WWC2: variants seen among roughly 807,000 people sequenced by gnomAD.
The protein encoded by WWC2 is WW and C2 domain containing 2.
WWC2 carries 101 observed loss-of-function variants against 138.5 expected under a neutral mutation model. The ratio of observed to expected loss-of-function variants is 0.73; its 90% CI spans 0.62 to 0.86. The LOEUF is 0.86. WWC2 is among the 40% of genes least tolerant of loss of function. WWC2 has a pLI of 0.00. For synonymous variants in WWC2, 558 were observed against 538.4 expected (o/e 1.04, Z -0.50); for missense variants, 1,420 against 1,419.4 (o/e 1.00, Z -0.01).
intron 17 of WWC2, 191 bp downstream of exon 17, chr4:183,281,088 A>G: frequency 2.9e-6 from 2 of 681,642 alleles, no homozygotes; most frequent in South Asian, 3.3e-5. Flanking sequence ...ATTATGGGCA[A>G]AGTTAAAACA....
intron 1 of WWC2, among the ~76,000 whole-genome samples, chr4:183,131,941 AC>A (rs1332977121): frequency 2.0e-5 from 3 of 152,172 alleles, no homozygotes; most frequent in Non-Finnish European, 2.9e-5. Context: ...GCCTTTTCAC[AC>A]TGAGCAGCTA....
At chr4:183,210,166 A>T (rs1263528525) in intron 4 of WWC2, among the ~76,000 whole-genome samples, 1 of 152,194 alleles carries the variant, frequency 6.6e-6, no homozygotes, top group Non-Finnish European at 1.5e-5. Context: ...TTATGCCTTA[A>T]TGTACATATC....
chr4:183,265,183 G>T (rs1393205693), intron 12 of WWC2, 76 bp downstream of exon 12: 1 of 1,506,000 alleles, frequency 6.6e-7, no homozygotes. Context: ...GCTGTAAATG[G>T]ACTGCTACCA....
intron 4 of WWC2, among the ~76,000 whole-genome samples, chr4:183,209,372 C>T (rs754237409): frequency 1.3e-4 from 20 of 152,058 alleles, no homozygotes; most frequent in Non-Finnish European, 2.2e-4. Context: ...GGATTACAGG[C>T]GCGTGCCACT....
At chr4:183,164,378 T>TATATATATTATATATAC (rs1734067128) in intron 1 of WWC2, among the ~76,000 whole-genome samples, 1 of 636 alleles carries the variant, frequency 1.6e-3, no homozygotes, top group African/African-American at 5.1e-3. Flanking sequence ...TATATATACA[T>TATATATATTATATATAC]ATATATATTA....
At chr4:183,274,103 T>C (rs369108622) in intron 16 of WWC2, among the ~76,000 whole-genome samples, 68 of 152,374 alleles carry the variant, frequency 4.5e-4, no homozygotes, top group African/African-American at 1.4e-3. Context: ...AAGCTAGTAC[T>C]GCACTGCTTT....
intron 15 of WWC2, among the ~76,000 whole-genome samples, chr4:183,270,308 A>G (rs181946922): frequency 6.6e-6 from 1 of 152,182 alleles, no homozygotes; most frequent in Non-Finnish European, 1.5e-5. Flanking sequence ...GGAATATGGA[A>G]AGCCTTTATC....
intron 1 of WWC2, among the ~76,000 whole-genome samples, chr4:183,174,008 G>A (rs1038774916): frequency 1.3e-5 from 2 of 152,030 alleles, no homozygotes; most frequent in African/African-American, 2.4e-5. Context: ...CTTTTCTCTT[G>A]GTCTGGTCAG....
chr4:183,113,133 C>T (rs540817399), intron 1 of WWC2, among the ~76,000 whole-genome samples: 18 of 151,782 alleles, frequency 1.2e-4, no homozygotes, highest in African/African-American at 4.1e-4. Flanking sequence ...ATTAGCCAGG[C>T]GTGGGGTGCA....
Position 183,275,228 on chromosome 4 carries a change from T to C in WWC2, c.2562+3987T>C, listed in dbSNP as rs1580137191. Among the ~76,000 whole-genome samples, 4 of 152,088 alleles carry C rather than the reference T, an allele frequency of 2.6e-5. No individual in the cohort carries two copies. The South Asian group carries it at 8.3e-4, about 31-fold the overall frequency. On this transcript the variant is annotated intron_variant, in intron 16 of 22. Coordinates refer to ENST00000403733, the MANE Select transcript of WWC2 (RefSeq NM_024949.6). ...GTTTTTTTAGTGGATTCCATTAGAT[T>C]TTCTATAAGATCATATTGTTTGCAA...
chr4:183,174,519 G>A (rs1734400406), intron 1 of WWC2, among the ~76,000 whole-genome samples: 1 of 152,094 alleles, frequency 6.6e-6, no homozygotes, highest in African/African-American at 2.4e-5. Flanking sequence ...CCTTCCCATT[G>A]TCCTTTTGTG....
intron 21 of WWC2, among the ~76,000 whole-genome samples, chr4:183,309,643 C>T (rs565984365): frequency 8.5e-5 from 13 of 152,352 alleles, no homozygotes; most frequent in African/African-American, 3.1e-4. Context: ...CAAAATCATA[C>T]AGGCACTTTA....
intron 8 of WWC2, among the ~76,000 whole-genome samples, chr4:183,252,011 C>CT (rs1315742808): frequency 1.3e-5 from 2 of 152,126 alleles, no homozygotes; most frequent in African/African-American, 4.8e-5. Flanking sequence ...GCTGATGTTA[C>CT]TTAAATCTAT....
intron 19 of WWC2, 59 bp from the exon 20 acceptor site, chr4:183,285,908 C>T: frequency 6.8e-7 from 1 of 1,479,928 alleles, no homozygotes; most frequent in East Asian, 2.5e-5. Flanking sequence ...CAATCCCAAA[C>T]TTCCACTTGC....
intron 10 of WWC2, 122 bp from the exon 11 acceptor site, chr4:183,260,788 G>C: frequency 7.6e-7 from 1 of 1,323,912 alleles, no homozygotes; most frequent in Non-Finnish European, 1.0e-6. Flanking sequence ...CTCTGTCCCT[G>C]GCCATTGATT....
At chr4:183,162,380 CT>C (rs1733986987) in intron 1 of WWC2, among the ~76,000 whole-genome samples, 2 of 152,178 alleles carry the variant, frequency 1.3e-5, no homozygotes, top group South Asian at 4.1e-4. Context: ...ATTAAAATTA[CT>C]TTGCATATTT....
chr4:183,234,037 G>T (rs1401732231), intron 4 of WWC2: 1 of 152,192 alleles, frequency 6.6e-6, no homozygotes, highest in Non-Finnish European at 1.5e-5. Context: ...TTTGAAACCT[G>T]TCTGTCTTGT....
At chr4:183,132,571 A>T (rs996073666) in intron 1 of WWC2, among the ~76,000 whole-genome samples, 8 of 151,104 alleles carry the variant, frequency 5.3e-5, no homozygotes, top group African/African-American at 2.0e-4. Context: ...CTCCTGCCTC[A>T]GCCTCCCGAG....
At chr4:183,188,542 G>T (rs1179385584) in intron 1 of WWC2, among the ~76,000 whole-genome samples, 1 of 151,428 alleles carries the variant, frequency 6.6e-6, no homozygotes, top group East Asian at 1.9e-4. Context: ...GTGGCCCATT[G>T]TGACCTATTC....
Sources: gnomAD v4.1 joint callset for allele counts (sites outside exome capture counted in the v4.1 genomes callset) on GRCh38, gnomAD v4.1.1 for gene constraint, MANE v1.5 for transcripts, NCBI Gene and HGNC (gene_info 2026-07-23, HGNC 2026-07-21) for gene names.